The following BAZ1A variants were observed in gnomAD, a reference collection of about 807,000 sequenced individuals.
BAZ1A encodes bromodomain adjacent to zinc finger domain 1A.
Under a neutral mutation model 185.2 loss-of-function variants are expected in BAZ1A, and 50 were observed. That is an observed-to-expected ratio of 0.27 (90% confidence interval 0.22 to 0.34). The LOEUF (loss-of-function observed/expected upper bound fraction) is 0.34. BAZ1A is among the 10% of genes least tolerant of loss of function. The pLI is 1.00. For missense variants in BAZ1A, 1,356 were observed against 1,839.9 expected, an observed-to-expected ratio of 0.74 and a Z score of 4.81; for synonymous variants, 571 against 615.6, an observed-to-expected ratio of 0.93 and a Z score of 1.07.
chr14:34,758,595 AC>A, intron 25 of BAZ1A, 108 bp downstream of exon 25: 10 of 1,167,514 alleles, frequency 8.6e-6, no homozygotes, highest in African/African-American at 3.1e-5. Flanking sequence ...AACAACAACA[AC>A]AAAAAAAACT....
At chr14:34,864,686 G>T (rs2042825986) in intron 2 of BAZ1A, among the ~76,000 whole-genome samples, 1 of 150,678 alleles carries the variant, frequency 6.6e-6, no homozygotes, top group Admixed American at 6.6e-5. Flanking sequence ...TCACCATGTT[G>T]GTCTCGAACT....
chr14:34,826,593 T>C (rs1360348744), intron 3 of BAZ1A, among the ~76,000 whole-genome samples: 1 of 152,224 alleles, frequency 6.6e-6, no homozygotes, highest in Admixed American at 6.5e-5. Context: ...TTTTCTAATT[T>C]TCCTTAGGAT....
At position 34,832,215 on chromosome 14, in the gene BAZ1A, C is replaced by CACACACACACATATATATATATATAT; in HGVS notation, c.393-6060_393-6059insATATATATATATATATGTGTGTGTGT. On this transcript the variant is annotated intron_variant, in intron 3 of 26. Coordinates refer to ENST00000360310, the MANE Select transcript of BAZ1A (RefSeq NM_013448.3). ...ATACACACACACACACACACACACA[C>CACACACACACATATATATATATATAT]ATATATATATATATATGTATGTATG... 2.1e-3 allele frequency among the ~76,000 whole-genome samples: 189 copies of CACACACACACATATATATATATATAT among 89,604 alleles called. 2 individuals are homozygous for CACACACACACATATATATATATATAT. The highest frequency in any genetic ancestry group is 0.018 in the South Asian group (37 of 2,022). The allele number at this position is 89,604 out of a possible 152,430, so 58.8% of individuals were successfully genotyped here.
At chr14:34,772,717 C>T (rs976257096) in intron 20 of BAZ1A, among the ~76,000 whole-genome samples, 9 of 152,082 alleles carry the variant, frequency 5.9e-5, no homozygotes, top group African/African-American at 9.7e-5. Context: ...TGGGGTACAA[C>T]GATGGAATAG....
intron 4 of BAZ1A, among the ~76,000 whole-genome samples, chr14:34,821,011 T>G (rs892094854): frequency 4.6e-5 from 7 of 152,322 alleles, no homozygotes; most frequent in South Asian, 2.1e-4. Context: ...TCTGACTTTG[T>G]TCTTCAATAT....
chr14:34,777,363 G>A (rs377298919), intron 17 of BAZ1A, among the ~76,000 whole-genome samples: 18 of 152,282 alleles, frequency 1.2e-4, no homozygotes, highest in Middle Eastern at 3.4e-3. Context: ...GTAAAAATCC[G>A]GCTGGCGCGG....
intron 12 of BAZ1A, among the ~76,000 whole-genome samples, chr14:34,787,363 A>AAAAAAAAGTAAAG (rs775338809): frequency 8.9e-6 from 1 of 112,798 alleles, no homozygotes; most frequent in Non-Finnish European, 1.8e-5. Flanking sequence ...AAAAAAAAAA[A>AAAAAAAAGTAAAG]AAAAAGAAAA....
chr14:34,756,466 A>ATTTT (rs1158606061), intron 25 of BAZ1A, among the ~76,000 whole-genome samples: 27 of 79,010 alleles, frequency 3.4e-4, no homozygotes, highest in African/African-American at 8.8e-4. Context: ...CAGAATACCT[A>ATTTT]TTTTTTTTTT....
chr14:34,821,886 A>C (rs1237097966), intron 4 of BAZ1A, among the ~76,000 whole-genome samples: 3 of 152,162 alleles, frequency 2.0e-5, no homozygotes, highest in Non-Finnish European at 4.4e-5. Context: ...CCGGAGGCTG[A>C]GGCAGGAGAA....
rs2043027065 is a variant in BAZ1A, at chr14:34,875,119, G to T, written c.-59+19C>A. The T allele has an allele frequency of 2.7e-6, 1 of 367,208 alleles. No homozygotes were observed. The highest frequency in any genetic ancestry group is 7.4e-5 in the East Asian group (1 of 13,428). The allele number at this position is 367,208 out of a possible 1,614,324, so 22.7% of individuals were successfully genotyped here. On this transcript the variant is annotated intron_variant, in intron 1 of 26. Coordinates refer to ENST00000360310, the MANE Select transcript of BAZ1A (RefSeq NM_013448.3). ...TCCACTTCCCCGCCGGCGCCGGCCG[G>T]CTCCCGAGCGACCCTCACCTGCGAT... is the stretch of plus-strand genomic sequence containing the variant.
intron 2 of BAZ1A, among the ~76,000 whole-genome samples, chr14:34,872,614 A>C (rs1283420968): frequency 6.6e-6 from 1 of 152,184 alleles, no homozygotes; most frequent in East Asian, 1.9e-4. Flanking sequence ...ATAAGTAAAT[A>C]AATAAAAATA....
chr14:34,823,225 C>T (rs188919998), intron 4 of BAZ1A, among the ~76,000 whole-genome samples: 112 of 151,934 alleles, frequency 7.4e-4, no homozygotes, highest in Admixed American at 1.1e-3. Context: ...AGTGGTGGCA[C>T]GCGCCTGTAG....
chr14:34,866,527 T>C (rs1184269615), intron 2 of BAZ1A, among the ~76,000 whole-genome samples: 3 of 122,976 alleles, frequency 2.4e-5, no homozygotes, highest in Non-Finnish European at 5.5e-5. Flanking sequence ...CTTTTTCCTA[T>C]AGAAACAAAC....
intron 2 of BAZ1A, among the ~76,000 whole-genome samples, chr14:34,873,916 C>G (rs2042995362): frequency 6.6e-6 from 1 of 152,190 alleles, no homozygotes; most frequent in Admixed American, 6.5e-5. Flanking sequence ...GGGACGCCCC[C>G]TCCTTCCCTT....
At chr14:34,817,631 T>C (rs991265070) in intron 4 of BAZ1A, among the ~76,000 whole-genome samples, 2 of 151,772 alleles carry the variant, frequency 1.3e-5, no homozygotes, top group Admixed American at 6.6e-5. Context: ...AACACAACTC[T>C]GTAACTCAAC....
intron 4 of BAZ1A, among the ~76,000 whole-genome samples, chr14:34,824,408 C>CAAAAAAAAAAAAA: frequency 6.1e-5 from 4 of 65,772 alleles, no homozygotes; most frequent in Admixed American, 2.6e-4. Flanking sequence ...AGCAGCAACT[C>CAAAAAAAAAAAAA]AAAAAAAAAA....
chr14:34,818,958 G>A (rs997289792), intron 4 of BAZ1A, among the ~76,000 whole-genome samples: 2 of 151,720 alleles, frequency 1.3e-5, no homozygotes, highest in African/African-American at 2.4e-5. Flanking sequence ...TGGCTAATCC[G>A]GTGAAACCCC....
At chr14:34,863,843 G>A (rs2042810805) in intron 2 of BAZ1A, among the ~76,000 whole-genome samples, 1 of 89,604 alleles carries the variant, frequency 1.1e-5, no homozygotes, top group South Asian at 4.1e-4. Context: ...ATTCTATATT[G>A]TTTGAATTTT....
chr14:34,873,710 C>T (rs2042990275), intron 2 of BAZ1A, among the ~76,000 whole-genome samples: 1 of 152,248 alleles, frequency 6.6e-6, no homozygotes, highest in Admixed American at 6.5e-5. Context: ...CTTCCTCTTC[C>T]CCTTGCCCAG....
Sources: allele counts gnomAD v4.1 joint callset (sites outside exome capture counted in the v4.1 genomes callset), GRCh38; gene constraint gnomAD v4.1.1; transcripts MANE v1.5; gene names NCBI Gene and HGNC (gene_info 2026-07-23, HGNC 2026-07-21).